LIPA: variants seen among roughly 807,000 people sequenced by gnomAD.
LIPA encodes the protein lysosomal acid lipase/cholesteryl ester hydrolase.
In LIPA, 26 loss-of-function variants were observed where a neutral mutation model predicts 40.6. The observed-to-expected ratio is 0.64, with a 90% CI of 0.47 to 0.89. LIPA has a LOEUF of 0.89. Ranked by LOEUF, LIPA falls within the 40% of genes least tolerant of loss-of-function variation. The pLI is 0.00. For synonymous variants in LIPA, 188 were observed against 168.4 expected (o/e 1.12, Z -0.90); for missense variants, 455 against 479.6 (o/e 0.95, Z 0.48).
intron 1 of LIPA, among the ~76,000 whole-genome samples, chr10:89,257,716 T>C (rs554117438): frequency 6.6e-6 from 1 of 152,118 alleles, no homozygotes; most frequent in South Asian, 2.1e-4. Context: ...TTTATCTAAA[T>C]AGAGGAGAAA....
At chr10:89,383,194 G>C in intron 2 of LIPA, 1 of 807,158 alleles carries the variant, frequency 1.2e-6, no homozygotes, top group Middle Eastern at 2.5e-4. Flanking sequence ...GAACCCAGAG[G>C]GGCACCAGAT....
At chr10:89,319,330 A>G (rs1017321283) in intron 1 of LIPA, among the ~76,000 whole-genome samples, 7 of 152,228 alleles carry the variant, frequency 4.6e-5, no homozygotes, top group African/African-American at 1.7e-4. Flanking sequence ...CTAATAAAGA[A>G]GAAAAGAGAG....
chr10:89,273,993 G>A (rs533067245), intron 1 of LIPA, among the ~76,000 whole-genome samples: 11 of 152,156 alleles, frequency 7.2e-5, no homozygotes, highest in African/African-American at 2.2e-4. Context: ...CCACAAAGCC[G>A]AAGAAAATAT....
chr10:89,284,370 G>C (rs964474647), intron 1 of LIPA: 18 of 152,262 alleles, frequency 1.2e-4, no homozygotes, highest in African/African-American at 3.9e-4. Flanking sequence ...CAAAGGACAG[G>C]CTGCATTTAG....
chr10:89,283,012 C>T (rs1843324195), intron 1 of LIPA, among the ~76,000 whole-genome samples: 1 of 152,156 alleles, frequency 6.6e-6, no homozygotes, highest in African/African-American at 2.4e-5. Flanking sequence ...TCCTATAAAG[C>T]CCTGAGCAAA....
intron 1 of LIPA, among the ~76,000 whole-genome samples, chr10:89,310,816 T>C (rs1457375778): frequency 1.3e-5 from 2 of 152,152 alleles, no homozygotes; most frequent in African/African-American, 2.4e-5. Context: ...TAGGCTGCTG[T>C]TGAAAAGGAG....
intron 2 of LIPA, among the ~76,000 whole-genome samples, chr10:89,394,574 G>GAA (rs1405646847): frequency 1.0e-5 from 1 of 95,344 alleles, no homozygotes; most frequent in Non-Finnish European, 2.0e-5. Flanking sequence ...TGTACTACAG[G>GAA]AAAATATATA....
chr10:89,280,361 G>A (rs1843308858), intron 1 of LIPA, among the ~76,000 whole-genome samples: 1 of 152,176 alleles, frequency 6.6e-6, no homozygotes, highest in South Asian at 2.1e-4. Context: ...CGTGCTCTCA[G>A]GCAAACAGGA....
chr10:89,248,526 G>A (rs1358572519), intron 1 of LIPA, among the ~76,000 whole-genome samples: 2 of 149,548 alleles, frequency 1.3e-5, no homozygotes, highest in East Asian at 3.9e-4. Flanking sequence ...CCAGGCTGGA[G>A]TGCAGTGGCG....
At chr10:89,399,624 C>A (rs559216066) in intron 2 of LIPA, among the ~76,000 whole-genome samples, 1 of 152,098 alleles carries the variant, frequency 6.6e-6, no homozygotes, top group South Asian at 2.1e-4. Flanking sequence ...GTTGAAAAGA[C>A]CATCCTTTCC....
At chr10:89,338,782 G>A in intron 1 of LIPA, 2 of 1,614,076 alleles carry the variant, frequency 1.2e-6, no homozygotes, top group Non-Finnish European at 8.5e-7. Context: ...TAACCAGATT[G>A]AATTTTTAAA....
At chr10:89,325,036 A>G (rs1263804091) in intron 1 of LIPA, among the ~76,000 whole-genome samples, 1 of 152,232 alleles carries the variant, frequency 6.6e-6, no homozygotes, top group African/African-American at 2.4e-5. Context: ...CATGTACCCA[A>G]GAAATTAAAG....
At chr10:89,289,999 GGT>G (rs1491539596) in intron 1 of LIPA, among the ~76,000 whole-genome samples, 91 of 130,722 alleles carry the variant, frequency 7.0e-4, no homozygotes, top group South Asian at 1.7e-3. Flanking sequence ...AAAAAAAAAG[GGT>G]GGGGGGGACT....
upstream of LIPA, chr10:89,251,959 AC>A (rs1272184873): frequency 6.5e-6 from 1 of 152,774 alleles, no homozygotes; most frequent in Non-Finnish European, 1.5e-5. Flanking sequence ...CCCCCAGTTG[AC>A]CCCATAGAGC....
At chr10:89,223,911 A>G (rs1780636840) in intron 6 of LIPA, 81 bp from the exon 7 acceptor site, 1 of 1,425,378 alleles carries the variant, frequency 7.0e-7, no homozygotes. Flanking sequence ...TCAGAAGCAG[A>G]GACAAGTACC....
intron 1 of LIPA, among the ~76,000 whole-genome samples, chr10:89,283,206 A>C (rs1843325198): frequency 2.0e-5 from 3 of 152,204 alleles, no homozygotes; most frequent in African/African-American, 7.2e-5. Flanking sequence ...CCAACCATTC[A>C]AACCATGTTA....
intron 1 of LIPA, among the ~76,000 whole-genome samples, chr10:89,284,757 C>A (rs1843332897): frequency 6.6e-6 from 1 of 152,162 alleles, no homozygotes; most frequent in African/African-American, 2.4e-5. Context: ...CATCATATAC[C>A]CTGTGACCTG....
At chr10:89,389,267 G>C (rs999764591) in intron 2 of LIPA, among the ~76,000 whole-genome samples, 1 of 152,204 alleles carries the variant, frequency 6.6e-6, no homozygotes. Flanking sequence ...ACATGGAAAT[G>C]GATTGATCGA....
intron 1 of LIPA, among the ~76,000 whole-genome samples, chr10:89,321,276 C>T (rs1223765135): frequency 6.6e-6 from 1 of 152,180 alleles, no homozygotes; most frequent in East Asian, 1.9e-4. Flanking sequence ...TCAGAGTGGA[C>T]AGGCAACCTA....
Sources: allele counts gnomAD v4.1 joint callset (sites outside exome capture counted in the v4.1 genomes callset), GRCh38; gene constraint gnomAD v4.1.1; transcripts MANE v1.5; gene names NCBI Gene and HGNC (gene_info 2026-07-23, HGNC 2026-07-21).